SMIM14: variants seen among roughly 807,000 people sequenced by gnomAD.
The protein encoded by SMIM14 is small integral membrane protein 14, also known as chromosome 4 open reading frame 34.
In SMIM14, 5 loss-of-function variants were observed where a neutral mutation model predicts 12.6. That is an observed-to-expected ratio of 0.40 (90% CI 0.21 to 0.83). The LOEUF (loss-of-function observed/expected upper bound fraction) is 0.83, where lower values mean the gene tolerates loss of function less well. Among genes scored for constraint, SMIM14 ranks in the 40% least tolerant of loss-of-function variants. The pLI, the probability that SMIM14 is intolerant of heterozygous loss-of-function variation, is 0.37. For missense variants in SMIM14, 86 were observed against 119.1 expected, an observed-to-expected ratio of 0.72 and a Z score of 1.29; for synonymous variants, 30 against 40.1, an observed-to-expected ratio of 0.75 and a Z score of 0.95.
chr4:39,607,994 T>A (rs1714877079), intron 1 of SMIM14, among the ~76,000 whole-genome samples: 1 of 152,220 alleles, frequency 6.6e-6, no homozygotes, highest in Admixed American at 6.5e-5. Context: ...TCATACCTAC[T>A]AGTATGGCTA....
chr4:39,582,468 CAGCCTGACCAACATGGTGAAACCCTG>C (rs1287927244), intron 2 of SMIM14, among the ~76,000 whole-genome samples: 9 of 150,872 alleles, frequency 6.0e-5, no homozygotes, highest in Non-Finnish European at 8.8e-5. Flanking sequence ...AGTTCCAGAC[CAGCCTGACCAACATGGTGAAACCCTG>C]TCTCTACTAA....
intron 1 of SMIM14, among the ~76,000 whole-genome samples, chr4:39,614,198 AAAAAAG>A (rs1560304728): frequency 1.3e-5 from 2 of 151,886 alleles, no homozygotes; most frequent in African/African-American, 2.4e-5. Context: ...AAAAAAAAAA[AAAAAAG>A]AAAATTCAAA....
chr4:39,628,892 C>G (rs1336788065), intron 1 of SMIM14, among the ~76,000 whole-genome samples: 1 of 150,602 alleles, frequency 6.6e-6, no homozygotes, highest in Non-Finnish European at 1.5e-5. Flanking sequence ...GCCATCACAC[C>G]CAGCTAGTTT....
At chr4:39,591,600 G>A (rs1026375796) in intron 2 of SMIM14, among the ~76,000 whole-genome samples, 1 of 151,952 alleles carries the variant, frequency 6.6e-6, no homozygotes, top group African/African-American at 2.4e-5. Flanking sequence ...CTGTCACGCA[G>A]GATGGAGTGC....
intron 2 of SMIM14, among the ~76,000 whole-genome samples, chr4:39,597,590 C>T (rs1030843495): frequency 6.6e-6 from 1 of 151,816 alleles, no homozygotes; most frequent in South Asian, 2.1e-4. Flanking sequence ...ATTACAGGCA[C>T]CTGCCACCAC....
chr4:39,565,109 T>G (rs1471317999), intron 3 of SMIM14, among the ~76,000 whole-genome samples: 1 of 152,098 alleles, frequency 6.6e-6, no homozygotes, highest in African/African-American at 2.4e-5. Flanking sequence ...TCCCAGCTAA[T>G]CAGGAGGCTG....
At chr4:39,566,793 C>A (rs1371398845) in intron 3 of SMIM14, among the ~76,000 whole-genome samples, 3 of 152,076 alleles carry the variant, frequency 2.0e-5, no homozygotes, top group African/African-American at 7.2e-5. Context: ...ATGGTGAAAC[C>A]CTGTCTCTAC....
intron 2 of SMIM14, among the ~76,000 whole-genome samples, chr4:39,590,062 A>G (rs1319933587): frequency 6.7e-6 from 1 of 149,940 alleles, no homozygotes; most frequent in Non-Finnish European, 1.5e-5. Context: ...TAAAGTAGTT[A>G]CAAGGAAATA....
At chr4:39,611,505 C>CA (rs79299163) in intron 1 of SMIM14, among the ~76,000 whole-genome samples, 2,457 of 90,654 alleles carry the variant, frequency 0.027, 60 homozygotes, top group African/African-American at 0.084. Context: ...GACTCCATCT[C>CA]AAAAAAAAAA....
At chr4:39,595,737 T>C (rs1388222898) in intron 2 of SMIM14, among the ~76,000 whole-genome samples, 2 of 151,586 alleles carry the variant, frequency 1.3e-5, no homozygotes, top group Admixed American at 1.3e-4. Flanking sequence ...GCCTCCTGAG[T>C]AGCTGGGATT....
chr4:39,615,161 C>T (rs1335365508), intron 1 of SMIM14, among the ~76,000 whole-genome samples: 2 of 152,034 alleles, frequency 1.3e-5, no homozygotes, highest in African/African-American at 4.8e-5. Context: ...TCTTGAACTC[C>T]TGGGCTCAAG....
chr4:39,589,457 C>T (rs973571502), intron 2 of SMIM14: 5 of 152,242 alleles, frequency 3.3e-5, no homozygotes, highest in African/African-American at 1.2e-4. Flanking sequence ...AAATACAGAG[C>T]TCAACAATTA....
chr4:39,589,171 C>T lies in SMIM14; in HGVS notation c.75+15900G>A, dbSNP rs1271067012. The stretch of plus-strand genomic sequence containing the variant: ...GCGCGATCTCTGCACACTGTAACCT[C>T]TGCCTCCTGGGCTCAAGCAATTTTC... On this transcript the variant is annotated intron_variant, in intron 2 of 4. Coordinates refer to ENST00000295958, the MANE Select transcript of SMIM14 (RefSeq NM_174921.3). Among the ~76,000 whole-genome samples, 3 of 152,224 alleles carry T rather than the reference C, an allele frequency of 2.0e-5. No homozygotes were observed. The East Asian group carries it at 5.8e-4, about 29-fold the overall frequency.
At chr4:39,600,537 A>C (rs1714565089) in intron 2 of SMIM14, among the ~76,000 whole-genome samples, 1 of 152,002 alleles carries the variant, frequency 6.6e-6, no homozygotes, top group African/African-American at 2.4e-5. Flanking sequence ...GAAAAATACA[A>C]AAATTAGCCG....
rs944625579 is a variant in SMIM14, at chr4:39,558,226, G to A, written c.125-1656C>T. On this transcript the variant is annotated intron_variant, in intron 3 of 4. Coordinates refer to ENST00000295958, the MANE Select transcript of SMIM14 (RefSeq NM_174921.3). The surrounding 1 kb of genome is among the most constrained non-coding windows in gnomAD (Gnocchi z 4.3). ...AAAATGGCCAGGTGCACTGGCTCAC[G>A]CCTGTAATCCCAGCACTTTGGAAGG... Among the ~76,000 whole-genome samples the A allele has an allele frequency of 6.6e-6, 1 of 152,210 alleles. No individual in the cohort carries two copies. The highest frequency in any genetic ancestry group is 1.5e-5 in the Non-Finnish European group (1 of 68,034).
At chr4:39,595,613 T>TG (rs1458672319) in intron 2 of SMIM14, among the ~76,000 whole-genome samples, 1 of 151,160 alleles carries the variant, frequency 6.6e-6, no homozygotes, top group African/African-American at 2.4e-5. Context: ...CTACGATTTT[T>TG]TTTTTTTTTT....
chr4:39,566,248 G>A (rs1387153890), intron 3 of SMIM14, among the ~76,000 whole-genome samples: 1 of 151,884 alleles, frequency 6.6e-6, no homozygotes, highest in African/African-American at 2.4e-5. Context: ...GGGAAGCCAA[G>A]GATGAGTCTC....
intron 1 of SMIM14, 138 bp downstream of exon 1, chr4:39,638,600 AG>A: frequency 1.0e-6 from 1 of 977,698 alleles, no homozygotes; most frequent in Non-Finnish European, 1.2e-6. Flanking sequence ...AGCCCGGCCG[AG>A]GAAACGCCAA....
intron 1 of SMIM14, among the ~76,000 whole-genome samples, chr4:39,618,053 A>G (rs1715287141): frequency 1.3e-5 from 2 of 152,198 alleles, no homozygotes; most frequent in African/African-American, 4.8e-5. Context: ...AGAGGAGAGA[A>G]GTAAGAGAGA....
Sources: gnomAD v4.1 joint callset for allele counts (sites outside exome capture counted in the v4.1 genomes callset) on GRCh38, gnomAD v4.1.1 for gene constraint, Gnocchi (gnomAD v3.1) non-coding constraint, MANE v1.5 for transcripts, NCBI Gene and HGNC (gene_info 2026-07-23, HGNC 2026-07-21) for gene names.